The following GPHN variants were observed in gnomAD, a reference collection of about 807,000 sequenced individuals.
GPHN encodes gephyrin.
A neutral mutation model predicts 95.5 loss-of-function variants in GPHN; 17 were observed. The ratio of observed to expected loss-of-function variants is 0.18; its 90% CI spans 0.12 to 0.27. The LOEUF is 0.27. Among genes scored for constraint, GPHN ranks in the 10% least tolerant of loss-of-function variants. GPHN has a pLI of 1.00. For missense variants in GPHN, 660 were observed against 978.1 expected (o/e 0.67, Z 4.34); for synonymous variants, 320 against 322.5 (o/e 0.99, Z 0.08).
At chr14:66,739,451 C>T (rs972754090) in intron 2 of GPHN, among the ~76,000 whole-genome samples, 2 of 149,612 alleles carry the variant, frequency 1.3e-5, no homozygotes, top group Non-Finnish European at 3.0e-5. Flanking sequence ...CTCCTGACCT[C>T]GTGATCTGCC....
chr14:66,777,667 A>G (rs1239054565), intron 3 of GPHN, among the ~76,000 whole-genome samples: 2 of 152,216 alleles, frequency 1.3e-5, no homozygotes, highest in African/African-American at 2.4e-5. Context: ...GGCTGGTTCA[A>G]TTTACGCAAA....
At chr14:67,239,632 G>A in the GPHN span, among the ~76,000 whole-genome samples, 1 of 152,196 alleles carries the variant, frequency 6.6e-6, no homozygotes, top group African/African-American at 2.4e-5. Context: ...GAGAAAGGTG[G>A]ATCACCTGAG....
rs1395861870 is a variant in GPHN, at chr14:66,547,491, AG to A, written c.64+38901del. ...CCAAGGGGAGAAAATATAGTTACACAGTGAATCAGAAATAGACAAGTTTTGG... is the reference window on the plus strand; with the variant it reads ...CCAAGGGGAGAAAATATAGTTACACATGAATCAGAAATAGACAAGTTTTGG... On this transcript the variant is annotated intron_variant, in intron 1 of 22. Transcript: ENST00000478722. 2.0e-5 allele frequency among the ~76,000 whole-genome samples: 3 copies of A among 152,374 alleles called. No homozygotes were observed. In the East Asian group the frequency reaches 5.8e-4, roughly 29 times the overall value.
intron 9 of GPHN, among the ~76,000 whole-genome samples, chr14:66,982,482 G>C (rs766674628): frequency 6.6e-6 from 1 of 152,048 alleles, no homozygotes; most frequent in Non-Finnish European, 1.5e-5. Flanking sequence ...TTGCAAAAGA[G>C]GTAATACAGT....
At chr14:67,049,701 C>T (rs984077450) in intron 10 of GPHN, among the ~76,000 whole-genome samples, 6 of 151,994 alleles carry the variant, frequency 3.9e-5, no homozygotes, top group African/African-American at 1.4e-4. Flanking sequence ...TTAGTAGAGA[C>T]GGGGTTTCAC....
intron 18 of GPHN, among the ~76,000 whole-genome samples, chr14:67,150,841 A>G (rs1383832401): frequency 6.6e-6 from 1 of 152,134 alleles, no homozygotes; most frequent in East Asian, 1.9e-4. Context: ...TTATAGGTAC[A>G]CGTCATCATA....
the GPHN span, among the ~76,000 whole-genome samples, chr14:67,291,451 AT>A: frequency 1.3e-5 from 2 of 151,828 alleles, no homozygotes; most frequent in Non-Finnish European, 1.5e-5. Context: ...TTCCCGGCTA[AT>A]TTTTGTATTT....
At chr14:67,571,561 G>T in the GPHN span, 9 of 542,794 alleles carry the variant, frequency 1.7e-5, no homozygotes, top group Admixed American at 2.3e-4. Context: ...GGGAAGGGAG[G>T]CCTGAGAAGC....
At chr14:67,723,233 A>G in the GPHN span, among the ~76,000 whole-genome samples, 17 of 152,160 alleles carry the variant, frequency 1.1e-4, no homozygotes, top group African/African-American at 3.9e-4. Context: ...TTCTGAGTGG[A>G]GAATTTTTAA....
chr14:66,619,429 C>T (rs1463480982), intron 1 of GPHN, among the ~76,000 whole-genome samples: 1 of 147,760 alleles, frequency 6.8e-6, no homozygotes, highest in African/African-American at 2.5e-5. Flanking sequence ...CTAGTTGTAT[C>T]TTATTATAAT....
At chr14:66,633,017 G>A (rs779206270) in intron 1 of GPHN, among the ~76,000 whole-genome samples, 6 of 152,062 alleles carry the variant, frequency 3.9e-5, no homozygotes, top group Admixed American at 1.3e-4. Context: ...TCTTCACAAC[G>A]TCATTCGAAG....
chr14:67,271,155 C>G, the GPHN span: 1 of 152,186 alleles, frequency 6.6e-6, no homozygotes, highest in South Asian at 2.1e-4. Context: ...GCAGGTATCA[C>G]GGCTATAGAG....
chr14:67,346,809 A>G, the GPHN span, among the ~76,000 whole-genome samples: 20 of 152,238 alleles, frequency 1.3e-4, no homozygotes, highest in Non-Finnish European at 2.2e-4. Context: ...ACTGGGAATT[A>G]TAAGCAGTGC....
chr14:66,722,060 A>AATACTTAT (rs2070797985), intron 2 of GPHN, among the ~76,000 whole-genome samples: 1 of 151,884 alleles, frequency 6.6e-6, no homozygotes, highest in Non-Finnish European at 1.5e-5. Flanking sequence ...ATTATAAAAC[A>AATACTTAT]ATACTTATAT....
Position 66,577,328 on chromosome 14 carries a change from G to C in GPHN, c.64+68737G>C, listed in dbSNP as rs536990106. ...GGACACTAAAACTTAGAGAATCCAA[G>C]GGTCTTGGGATAAGGTCATGATAGC... On this transcript the variant is annotated intron_variant, in intron 1 of 22. Transcript: ENST00000478722. Among the ~76,000 whole-genome samples the C allele has an allele frequency of 6.6e-5, 10 of 152,244 alleles. No homozygotes were observed. The South Asian group carries it at 1.9e-3, about 28-fold the overall frequency.
chr14:66,554,619 A>G (rs1256205536), intron 1 of GPHN, among the ~76,000 whole-genome samples: 1 of 152,230 alleles, frequency 6.6e-6, no homozygotes, highest in Non-Finnish European at 1.5e-5. Context: ...AACCACCCTC[A>G]TAATCCAATC....
At chr14:66,590,714 C>T (rs1202457975) in intron 1 of GPHN, among the ~76,000 whole-genome samples, 2 of 152,166 alleles carry the variant, frequency 1.3e-5, no homozygotes, top group Non-Finnish European at 2.9e-5. Flanking sequence ...CAGCCAAATT[C>T]TACCAGAAGT....
intron 4 of GPHN, among the ~76,000 whole-genome samples, chr14:66,824,950 A>G (rs2061338791): frequency 6.6e-6 from 1 of 152,190 alleles, no homozygotes. Context: ...TTTGTCTAAA[A>G]TTACAGTAAG....
the GPHN span, among the ~76,000 whole-genome samples, chr14:67,572,757 C>T: frequency 6.6e-6 from 1 of 152,148 alleles, no homozygotes; most frequent in Admixed American, 6.5e-5. Context: ...CATCCACTCC[C>T]GATGTAATTC....
Sources: allele counts gnomAD v4.1 joint callset (sites outside exome capture counted in the v4.1 genomes callset), GRCh38; gene constraint gnomAD v4.1.1; transcripts MANE v1.5; gene names NCBI Gene and HGNC (gene_info 2026-07-23, HGNC 2026-07-21).